The following RNF150 variants were observed in gnomAD, a reference collection of about 807,000 sequenced individuals.
RNF150 encodes the protein ring finger protein 150.
Under a neutral mutation model 39.3 loss-of-function variants are expected in RNF150, and 24 were observed. The observed-to-expected ratio is 0.61, with a 90% confidence interval of 0.44 to 0.86. The LOEUF (loss-of-function observed/expected upper bound fraction) is 0.86, where lower values mean the gene tolerates loss of function less well. Among genes scored for constraint, RNF150 ranks in the 40% least tolerant of loss-of-function variants. The pLI is 0.00. For missense variants in RNF150, 502 were observed against 587.8 expected, an observed-to-expected ratio of 0.85 and a Z score of 1.51; for synonymous variants, 255 against 227.3, an observed-to-expected ratio of 1.12 and a Z score of -1.10.
At chr4:140,927,369 G>A (rs986521368) in intron 4 of RNF150, among the ~76,000 whole-genome samples, 2 of 152,168 alleles carry the variant, frequency 1.3e-5, no homozygotes, top group Non-Finnish European at 2.9e-5. Context: ...CCAGTTTGGA[G>A]GTGGGGCCTG....
At chr4:141,073,586 T>C (rs193082505) in intron 1 of RNF150, among the ~76,000 whole-genome samples, 10 of 152,208 alleles carry the variant, frequency 6.6e-5, no homozygotes, top group Admixed American at 5.9e-4. Flanking sequence ...CAATACTTAT[T>C]ATTACTGCTC....
chr4:141,171,094 T>C (rs569399124), intron 1 of RNF150, among the ~76,000 whole-genome samples: 14 of 152,286 alleles, frequency 9.2e-5, no homozygotes, highest in Admixed American at 5.9e-4. Context: ...AAGGTTATAA[T>C]GAATATATAC....
At chr4:141,102,830 T>A (rs4956512) in intron 1 of RNF150, among the ~76,000 whole-genome samples, 116,691 of 152,212 alleles carry the variant, frequency 0.77, 45,833 homozygotes, top group East Asian at 0.88. Flanking sequence ...TAAAAAGTAT[T>A]AAAAGCAACT....
intron 6 of RNF150, among the ~76,000 whole-genome samples, chr4:140,898,666 A>G (rs1730051191): frequency 6.6e-6 from 1 of 152,238 alleles, no homozygotes; most frequent in Non-Finnish European, 1.5e-5. Flanking sequence ...GCAAGTATTT[A>G]TGTATCCAAC....
At chr4:140,939,075 G>T (rs1037594171) in intron 4 of RNF150, among the ~76,000 whole-genome samples, 2 of 152,078 alleles carry the variant, frequency 1.3e-5, no homozygotes, top group Non-Finnish European at 2.9e-5. Context: ...CAAGTCTCCA[G>T]GTCTATCCCT....
At chr4:140,898,279 A>ATT (rs10693510) in intron 6 of RNF150, among the ~76,000 whole-genome samples, 82,677 of 148,044 alleles carry the variant, frequency 0.56, 23,697 homozygotes, top group East Asian at 0.84. Flanking sequence ...TGATGCACAC[A>ATT]TTTTTTTTTT....
At chr4:141,175,608 T>C (rs1727796283) in intron 1 of RNF150, among the ~76,000 whole-genome samples, 1 of 152,170 alleles carries the variant, frequency 6.6e-6, no homozygotes, top group Admixed American at 6.5e-5. Context: ...CCTACTTGAG[T>C]TCAGAAGCAA....
intron 1 of RNF150, among the ~76,000 whole-genome samples, chr4:141,067,200 A>C (rs1197672707): frequency 6.6e-6 from 1 of 152,208 alleles, no homozygotes; most frequent in Non-Finnish European, 1.5e-5. Flanking sequence ...CAATTGCTTT[A>C]AGAATAGATA....
intron 1 of RNF150, among the ~76,000 whole-genome samples, chr4:140,999,936 T>C (rs1041072545): frequency 6.6e-5 from 3 of 45,322 alleles, no homozygotes; most frequent in Non-Finnish European, 1.0e-4. Context: ...AGACTTGGTC[T>C]CAAAAAAAGA....
chr4:141,089,643 T>C (rs1443343108), intron 1 of RNF150, among the ~76,000 whole-genome samples: 3 of 151,064 alleles, frequency 2.0e-5, no homozygotes, highest in Non-Finnish European at 4.4e-5. Flanking sequence ...CAATTCATAA[T>C]GAAGAAACTC....
intron 1 of RNF150, among the ~76,000 whole-genome samples, chr4:140,978,027 T>C (rs898187321): frequency 1.3e-5 from 2 of 152,124 alleles, no homozygotes; most frequent in Admixed American, 6.6e-5. Context: ...GTCTGAACAA[T>C]AAAAATAGTT....
At chr4:141,101,346 C>A (rs1176289812) in intron 1 of RNF150, among the ~76,000 whole-genome samples, 2 of 152,018 alleles carry the variant, frequency 1.3e-5, no homozygotes, top group Non-Finnish European at 2.9e-5. Flanking sequence ...AACAAAGACA[C>A]AAATACACAC....
intron 6 of RNF150, among the ~76,000 whole-genome samples, chr4:140,906,489 G>T (rs1475145113): frequency 6.6e-6 from 1 of 152,032 alleles, no homozygotes; most frequent in Non-Finnish European, 1.5e-5. Flanking sequence ...GGTATCTTTG[G>T]GGGAAAGGGG....
chr4:141,102,974 T>C (rs1318265879), intron 1 of RNF150, among the ~76,000 whole-genome samples: 1 of 152,196 alleles, frequency 6.6e-6, no homozygotes, highest in Non-Finnish European at 1.5e-5. Flanking sequence ...TCTTTTCATA[T>C]ACTCATGCAC....
chr4:141,137,399 T>G (rs1025441796), upstream of RNF150, among the ~76,000 whole-genome samples: 1 of 152,136 alleles, frequency 6.6e-6, no homozygotes, highest in Non-Finnish European at 1.5e-5. Flanking sequence ...GCAATGAGCA[T>G]GGTGAGAAGT....
chr4:141,183,473 T>A (rs1048896505), intron 1 of RNF150, among the ~76,000 whole-genome samples: 3 of 152,196 alleles, frequency 2.0e-5, no homozygotes, highest in Admixed American at 6.5e-5. Context: ...GCAGATATAA[T>A]TAAGGTCCCT....
chr4:141,011,293 T>C (rs1287047461), intron 1 of RNF150, among the ~76,000 whole-genome samples: 1 of 152,058 alleles, frequency 6.6e-6, no homozygotes, highest in Non-Finnish European at 1.5e-5. Flanking sequence ...AATTATGCCA[T>C]AATGAGCCAC....
At chr4:141,189,011 G>A (rs140620765) in intron 1 of RNF150, among the ~76,000 whole-genome samples, 13 of 152,316 alleles carry the variant, frequency 8.5e-5, no homozygotes, top group South Asian at 4.1e-4. Context: ...CCTCATCTTC[G>A]TGGATTTATC....
chr4:140,950,083 T>G (rs1291913291), intron 2 of RNF150, among the ~76,000 whole-genome samples: 2 of 152,178 alleles, frequency 1.3e-5, no homozygotes. Flanking sequence ...CAGAGGGTGA[T>G]GAGGAAAACT....
Sources: allele counts gnomAD v4.1 joint callset (sites outside exome capture counted in the v4.1 genomes callset), GRCh38; gene constraint gnomAD v4.1.1; transcripts MANE v1.5; gene names NCBI Gene and HGNC (gene_info 2026-07-23, HGNC 2026-07-21).